The following MOB3B variants were observed in gnomAD, a reference collection of about 807,000 sequenced individuals.
MOB3B encodes the protein MOB kinase activator 3B, also known as MOB kinase activator-like 2B.
MOB3B carries 7 observed loss-of-function variants against 18.7 expected under a neutral mutation model. The observed-to-expected ratio is 0.37, with a 90% CI of 0.21 to 0.70. The LOEUF (loss-of-function observed/expected upper bound fraction) is 0.70, where lower values mean the gene tolerates loss of function less well. MOB3B is among the 30% of genes least tolerant of loss of function. The pLI, the probability that MOB3B is intolerant of heterozygous loss-of-function variation, is 0.52. For missense variants in MOB3B, 253 were observed against 281.3 expected, an observed-to-expected ratio of 0.90 and a Z score of 0.72; for synonymous variants, 111 against 99.9, an observed-to-expected ratio of 1.11 and a Z score of -0.66.
intron 1 of MOB3B, among the ~76,000 whole-genome samples, chr9:27,514,169 G>A (rs1820193237): frequency 6.6e-6 from 1 of 151,856 alleles, no homozygotes; most frequent in African/African-American, 2.4e-5. Context: ...ACTCTTAAAG[G>A]AAAAATACTC....
chr9:27,393,911 A>ATCTT (rs1821764148), intron 2 of MOB3B, among the ~76,000 whole-genome samples: 1 of 152,172 alleles, frequency 6.6e-6, no homozygotes, highest in Non-Finnish European at 1.5e-5. Context: ...GATAAGATAG[A>ATCTT]AAAGAGAGAT....
intron 1 of MOB3B, among the ~76,000 whole-genome samples, chr9:27,514,345 C>CAAAAAAAAAAAAAAA (rs34526085): frequency 2.6e-5 from 2 of 77,638 alleles, no homozygotes; most frequent in Non-Finnish European, 4.9e-5. Context: ...ACCACAAGCT[C>CAAAAAAAAAAAAAAA]AAAAAAAAAA....
chr9:27,524,150 T>TAAAAAAA (rs3081119), intron 1 of MOB3B, among the ~76,000 whole-genome samples: 2 of 90,238 alleles, frequency 2.2e-5, no homozygotes, highest in African/African-American at 4.4e-5. Context: ...TCACCCGAAG[T>TAAAAAAA]AAAAAAAAAA....
intron 1 of MOB3B, among the ~76,000 whole-genome samples, chr9:27,522,167 G>A (rs761659531): frequency 2.7e-5 from 4 of 147,304 alleles, no homozygotes; most frequent in South Asian, 2.2e-4. Context: ...GCTTGAACCC[G>A]GGAGGCGGAG....
chr9:27,368,740 T>TCTCAA (rs1400977480), intron 2 of MOB3B, among the ~76,000 whole-genome samples: 4 of 152,172 alleles, frequency 2.6e-5, no homozygotes, highest in African/African-American at 9.7e-5. Flanking sequence ...CAGTGGTATG[T>TCTCAA]GATTATATGT....
At chr9:27,513,308 C>T (rs1820173814) in intron 1 of MOB3B, among the ~76,000 whole-genome samples, 1 of 152,126 alleles carries the variant, frequency 6.6e-6, no homozygotes, top group African/African-American at 2.4e-5. Flanking sequence ...ATGACTCTCC[C>T]CAGGCCTACT....
At chr9:27,433,234 G>A (rs556288711) in intron 2 of MOB3B, among the ~76,000 whole-genome samples, 1 of 151,948 alleles carries the variant, frequency 6.6e-6, no homozygotes, top group African/African-American at 2.4e-5. Flanking sequence ...ATATATGTAT[G>A]TTTTTATTAT....
At chr9:27,458,691 T>G (rs540327721) in intron 1 of MOB3B, among the ~76,000 whole-genome samples, 1 of 150,626 alleles carries the variant, frequency 6.6e-6, no homozygotes, top group Admixed American at 6.6e-5. Context: ...CCAGGGACCG[T>G]AGGTGCATGC....
Position 27,492,217 on chromosome 9 carries a change from T to C in MOB3B, c.-198-36469A>G, listed in dbSNP as rs377587595. 1.2e-4 allele frequency among the ~76,000 whole-genome samples: 19 copies of C among 152,184 alleles called. No homozygotes were observed. In the East Asian group the frequency reaches 2.9e-3, roughly 23 times the overall value. The stretch of plus-strand genomic sequence containing the variant: ...GCTGGTTCCCACTGTGGGGTAAAAA[T>C]GAAGGGGGATTACGGAAGAGATTAA... On this transcript the variant is annotated intron_variant, in intron 1 of 3. Coordinates refer to ENST00000262244, the MANE Select transcript of MOB3B (RefSeq NM_024761.5).
intron 1 of MOB3B, among the ~76,000 whole-genome samples, chr9:27,519,283 T>C (rs1194949903): frequency 1.3e-5 from 2 of 152,192 alleles, no homozygotes; most frequent in Non-Finnish European, 1.5e-5. Flanking sequence ...AGCCTGGCTC[T>C]CTCACAGGCG....
chr9:27,524,581 A>G, intron 1 of MOB3B: 1 of 1,614,114 alleles, frequency 6.2e-7, no homozygotes, highest in Non-Finnish European at 8.5e-7. Flanking sequence ...ATGAAGAGGG[A>G]CATCAAGAAG....
At chr9:27,342,811 C>G (rs747384059) in intron 3 of MOB3B, among the ~76,000 whole-genome samples, 1 of 151,638 alleles carries the variant, frequency 6.6e-6, no homozygotes, top group African/African-American at 2.4e-5. Context: ...GATCTCCGCT[C>G]GCTACAACCT....
intron 3 of MOB3B, among the ~76,000 whole-genome samples, chr9:27,333,126 G>A (rs1191003143): frequency 2.6e-5 from 4 of 151,980 alleles, no homozygotes. Context: ...TTTTTAAGTA[G>A]CAGAGTAACA....
intron 2 of MOB3B, among the ~76,000 whole-genome samples, chr9:27,401,451 C>A (rs1821877553): frequency 6.6e-6 from 1 of 152,130 alleles, no homozygotes; most frequent in Admixed American, 6.5e-5. Flanking sequence ...GGAGGTGGGA[C>A]CTGTGTCAAC....
intron 1 of MOB3B, among the ~76,000 whole-genome samples, chr9:27,481,748 A>C (rs890594851): frequency 1.3e-5 from 2 of 151,956 alleles, no homozygotes; most frequent in African/African-American, 4.8e-5. Context: ...GATGGTCTCG[A>C]TCTCCTGACC....
chr9:27,445,842 G>A (rs1430607864), intron 2 of MOB3B, among the ~76,000 whole-genome samples: 4 of 152,026 alleles, frequency 2.6e-5, no homozygotes, highest in South Asian at 2.1e-4. Flanking sequence ...TCCCATTGCC[G>A]GCGGATTGTC....
chr9:27,354,881 A>C (rs975836525), intron 3 of MOB3B, among the ~76,000 whole-genome samples: 5 of 152,188 alleles, frequency 3.3e-5, no homozygotes, highest in African/African-American at 1.2e-4. Flanking sequence ...AGAATTCAGG[A>C]ACATCCACTA....
chr9:27,350,663 T>C (rs952442346), intron 3 of MOB3B, among the ~76,000 whole-genome samples: 2 of 152,170 alleles, frequency 1.3e-5, no homozygotes, highest in Non-Finnish European at 2.9e-5. Context: ...TCATGTTTCT[T>C]TGCTATTTTT....
rs914438153 is a variant in MOB3B, at chr9:27,455,643, G to A, written c.-93C>T. The A allele has an allele frequency of 2.5e-6, 4 of 1,579,256 alleles. No homozygotes were observed. In the African/African-American group the frequency reaches 5.4e-5, roughly 21 times the overall value. Reference sequence around the variant, plus strand: ...TCACAGCCCAACAGTGTTTTCCACTGCCAGCACTCAGGCCCCAGTCTTACA... The same window carrying A: ...TCACAGCCCAACAGTGTTTTCCACTACCAGCACTCAGGCCCCAGTCTTACA... On this transcript the variant is annotated 5_prime_UTR_variant, in exon 2 of 4. Transcript: ENST00000262244.
Sources: gnomAD v4.1 joint callset for allele counts (sites outside exome capture counted in the v4.1 genomes callset) on GRCh38, gnomAD v4.1.1 for gene constraint, MANE v1.5 for transcripts, NCBI Gene and HGNC (gene_info 2026-07-23, HGNC 2026-07-21) for gene names.